Variants in ZEB1 observed in about 807,000 individuals in gnomAD.
ZEB1 encodes zinc finger E-box binding homeobox 1.
A neutral mutation model predicts 84.9 loss-of-function variants in ZEB1; 21 were observed. The ratio of observed to expected loss-of-function variants is 0.25; its 90% CI spans 0.18 to 0.36. The LOEUF is 0.36. Among genes scored for constraint, ZEB1 ranks in the 10% least tolerant of loss-of-function variants. The pLI is 1.00. For synonymous variants in ZEB1, 420 were observed against 471.1 expected (o/e 0.89, Z 1.41); for missense variants, 1,104 against 1,330.2 (o/e 0.83, Z 2.65).
chr10:31,433,939 A>G (rs1001869789), intron 1 of ZEB1, among the ~76,000 whole-genome samples: 3 of 152,232 alleles, frequency 2.0e-5, no homozygotes, highest in Admixed American at 1.3e-4. Flanking sequence ...TGAAAAGACA[A>G]TAATGGAGGA....
Position 31,528,204 on chromosome 10 carries a change from A to C in ZEB1, c.*940A>C, listed in dbSNP as rs2073802116. The C allele has an allele frequency of 1.3e-5, 2 of 152,212 alleles. No homozygotes were observed. Among genetic ancestry groups the C allele is most frequent in the Non-Finnish European group, 1.5e-5 (1 of 68,022 alleles). 9.4% of individuals were successfully genotyped at this position (152,212 alleles called of 1,614,324 possible). A position where few individuals can be genotyped will look rare whatever the true frequency, so the allele number is the denominator to read the frequency against. On this transcript the variant is annotated 3_prime_UTR_variant, in exon 9 of 9. Transcript: ENST00000424869. ...GCCTTCATCCAATGTGTGGCCTACA[A>C]TAACTAGCATTTGTTGATTTGTCTC...
intron 2 of ZEB1, among the ~76,000 whole-genome samples, chr10:31,494,504 G>A (rs1213961855): frequency 6.6e-6 from 1 of 151,922 alleles, no homozygotes; most frequent in Non-Finnish European, 1.5e-5. Context: ...GCTATAATGG[G>A]ATGCAAAGAT....
chr10:31,458,056 C>A (rs2061437131), intron 1 of ZEB1, among the ~76,000 whole-genome samples: 1 of 152,088 alleles, frequency 6.6e-6, no homozygotes, highest in Non-Finnish European at 1.5e-5. Context: ...GGAATGTCAG[C>A]TATCTAGGCA....
rs149335206 is a variant in ZEB1 at position 31,360,366 on chromosome 10, G to A, written c.58+41074G>A. Among the ~76,000 whole-genome samples the A allele has an allele frequency of 5.1e-3, 771 of 152,238 alleles. 3 individuals carry two copies. Among genetic ancestry groups the A allele is most frequent in the Non-Finnish European group, 8.4e-3 (571 of 68,012 alleles). ...TGGGTTTGTATATACTATCTCTCAC[G>A]GTTGTAAGGATTAAATATAATGGAT... On this transcript the variant is annotated intron_variant, in intron 1 of 8. Coordinates refer to ENST00000424869, the MANE Select transcript of ZEB1 (RefSeq NM_001174096.2).
Position 31,527,080 on chromosome 10 carries a change from A to G in ZEB1, c.3194A>G (p.Glu1065Gly). Residue 1065 changes from glutamate (E) to glycine (G), a missense_variant, in exon 9 of 9, where the codon GAA becomes GGA. Physicochemically the swap from Glu to Gly is moderately conservative, Grantham distance 98. Around this residue, in one of 7 missense-constraint regions of ZEB1, gnomAD observed 173 missense variants for 167.0 expected, o/e 1.04. Coordinates refer to ENST00000424869, the MANE Select transcript of ZEB1 (RefSeq NM_001174096.2). ...TGTGAAAAACCACAAGGGGATGAGG[A>G]AGAGGAGGAGGAGGAGGAAGAAGTG... is the stretch of plus-strand genomic sequence containing the variant. ...KECEKPQGDE[E>G]EEEEEEEVEE... is the part of the protein sequence containing the mutation. 6.3e-7 allele frequency: 1 copy of G among 1,590,862 alleles called. No homozygotes were observed. The highest frequency in any genetic ancestry group is 1.4e-5 in the African/African-American group (1 of 73,726).
intron 2 of ZEB1, among the ~76,000 whole-genome samples, chr10:31,471,449 G>T (rs1260081450): frequency 6.6e-6 from 1 of 151,612 alleles, no homozygotes; most frequent in African/African-American, 2.4e-5. Flanking sequence ...AACCAATAAA[G>T]ATCAAAAGAG....
At chr10:31,417,199 C>G (rs943017248) in intron 1 of ZEB1, among the ~76,000 whole-genome samples, 1 of 152,134 alleles carries the variant, frequency 6.6e-6, no homozygotes, top group Admixed American at 6.6e-5. Flanking sequence ...TTAGAGTTCT[C>G]CAAATCTCAC....
chr10:31,476,805 A>C (rs1006272015), intron 2 of ZEB1, among the ~76,000 whole-genome samples: 1 of 152,098 alleles, frequency 6.6e-6, no homozygotes, highest in Non-Finnish European at 1.5e-5. Flanking sequence ...AAAAAGAAAA[A>C]CGATATGATC....
chr10:31,527,226 A>T lies in ZEB1; in HGVS notation c.3340A>T (p.Ser1114Cys). The change falls in exon 9 of 9, where the codon AGT becomes TGT. Residue 1114 changes from serine (S) to cysteine (C), a missense_variant. Physicochemically the swap from Ser to Cys is moderately radical, Grantham distance 112 (BLOSUM62 -1). Transcript: ENST00000424869. Reference sequence around the variant, plus strand: ...CTTAGGACAAAAAGTAGGCGAGAGTAGTGAGCAAGTGTCTGAAGAAAAGAC... The same window carrying T: ...CTTAGGACAAAAAGTAGGCGAGAGTTGTGAGCAAGTGTCTGAAGAAAAGAC... ...SSLGQKVGESSEQVSEEKTNE... is the reference protein window; with the variant it reads ...SSLGQKVGESCEQVSEEKTNE... 1.2e-6 allele frequency: 2 copies of T among 1,610,074 alleles called. No individual in the cohort carries two copies. The highest frequency in any genetic ancestry group is 1.7e-6 in the Non-Finnish European group (2 of 1,178,558).
rs529250683 is a variant in ZEB1 at position 31,480,312 on chromosome 10, G to A, written c.260-15464G>A. On this transcript the variant is annotated intron_variant, in intron 2 of 8. Transcript: ENST00000424869. Reference sequence around the variant, plus strand: ...GCACATAGTAATAACGCTTTCTTGGGCATAAATTATAATAAAATACTATAA... The same window carrying A: ...GCACATAGTAATAACGCTTTCTTGGACATAAATTATAATAAAATACTATAA... Among the ~76,000 whole-genome samples, 16 of 152,004 alleles carry A rather than the reference G, an allele frequency of 1.1e-4. No individual in the cohort carries two copies. In the South Asian group the frequency reaches 3.3e-3, roughly 32 times the overall value.
At chr10:31,445,589 C>G (rs2059655200) in intron 1 of ZEB1, among the ~76,000 whole-genome samples, 1 of 152,236 alleles carries the variant, frequency 6.6e-6, no homozygotes, top group Non-Finnish European at 1.5e-5. Flanking sequence ...AAGTACGTCC[C>G]ATTAATACCT....
At chr10:31,478,305 A>G (rs2064542485) in intron 2 of ZEB1, among the ~76,000 whole-genome samples, 2 of 152,188 alleles carry the variant, frequency 1.3e-5, no homozygotes, top group South Asian at 4.1e-4. Flanking sequence ...ACAATGAGAT[A>G]TTATCTTATA....
At chr10:31,428,426 CTG>C (rs968523405) in intron 1 of ZEB1, among the ~76,000 whole-genome samples, 3 of 152,162 alleles carry the variant, frequency 2.0e-5, no homozygotes, top group Admixed American at 1.3e-4. Flanking sequence ...GTCCAAGAGA[CTG>C]TTAAGATTTC....
In ZEB1 at chr10:31,449,350, G is replaced by A. The variant is rs906587047; in HGVS notation, c.59-11687G>A. ...TGAGATGAACCTGGTACCTCAGATG[G>A]AAATGCAGAAATCACCCGTCTTCTG... On this transcript the variant is annotated intron_variant, in intron 1 of 8. Transcript: ENST00000424869. Among the ~76,000 whole-genome samples the A allele has an allele frequency of 2.0e-5, 3 of 152,232 alleles. No homozygotes were observed. In the South Asian group the frequency reaches 6.2e-4, roughly 31 times the overall value.
rs984976107 is a variant in ZEB1, at chr10:31,324,769, T to C, written c.58+5477T>C. On this transcript the variant is annotated intron_variant, in intron 1 of 8. Transcript: ENST00000424869. Reference sequence around the variant, plus strand: ...GAAAAAGTGTCCTGATTAGGAAATATGATAAAATGATTTTTTAAACTACTT... The same window carrying C: ...GAAAAAGTGTCCTGATTAGGAAATACGATAAAATGATTTTTTAAACTACTT... Among the ~76,000 whole-genome samples, 5 of 152,196 alleles carry C rather than the reference T, an allele frequency of 3.3e-5. 1 individual carries two copies. Among genetic ancestry groups the C allele is most frequent in the Admixed American group, 2.0e-4 (3 of 15,294 alleles).
In ZEB1 at chr10:31,440,495, G is replaced by A. The variant is rs141915855; in HGVS notation, c.59-20542G>A. ...GGGAGCATTCCCTTTGAAAACTGGCGCAAGACAGGGGTGCCCTTTCTCACC... is the reference window on the plus strand; with the variant it reads ...GGGAGCATTCCCTTTGAAAACTGGCACAAGACAGGGGTGCCCTTTCTCACC... On this transcript the variant is annotated intron_variant, in intron 1 of 8. Coordinates refer to ENST00000424869, the MANE Select transcript of ZEB1 (RefSeq NM_001174096.2). 7.2e-3 allele frequency among the ~76,000 whole-genome samples: 1,090 copies of A among 151,928 alleles called. 12 individuals carry two copies. The highest frequency in any genetic ancestry group is 0.024 in the African/African-American group (982 of 41,324).
intron 1 of ZEB1, among the ~76,000 whole-genome samples, chr10:31,436,176 A>C (rs2058281283): frequency 1.3e-5 from 2 of 152,202 alleles, no homozygotes; most frequent in African/African-American, 4.8e-5. Context: ...TATGCAATGG[A>C]GAGCCATCTG....
intron 1 of ZEB1, among the ~76,000 whole-genome samples, chr10:31,322,762 T>TG (rs1564455068): frequency 4.7e-4 from 71 of 150,474 alleles, no homozygotes; most frequent in African/African-American, 1.6e-3. Context: ...TTTTTTTTTT[T>TG]TGAGAGAGAG....
intron 1 of ZEB1, chr10:31,361,029 T>C (rs552813181): frequency 6.2e-7 from 1 of 1,610,554 alleles, no homozygotes; most frequent in East Asian, 2.2e-5. Context: ...CTTACCATCT[T>C]ATTTTGGAAG....
Sources: gnomAD v4.1 joint callset for allele counts (sites outside exome capture counted in the v4.1 genomes callset) on GRCh38, gnomAD v4.1.1 for gene constraint, gnomAD v4.1.1 regional missense constraint, MANE v1.5 for transcripts, NCBI Gene and HGNC (gene_info 2026-07-23, HGNC 2026-07-21) for gene names.